The following MALRD1 variants were observed in gnomAD, a reference collection of about 807,000 sequenced individuals.
MALRD1 encodes the protein MAM and LDL-receptor class A domain-containing protein 1.
MALRD1 carries 247 observed loss-of-function variants against 242.1 expected under a neutral mutation model. That is an observed-to-expected ratio of 1.02 (90% CI 0.92 to 1.13). The LOEUF (loss-of-function observed/expected upper bound fraction) is 1.13. MALRD1 is among the 50% of genes most tolerant of loss of function. The probability of loss-of-function intolerance (pLI) is 0.00; values close to 1 mark genes in which losing one functional copy is unlikely to be tolerated. For synonymous variants in MALRD1, 995 were observed against 866.6 expected (o/e 1.15, Z -2.60); for missense variants, 2,989 against 2,533.1 (o/e 1.18, Z -3.86).
intron 28 of MALRD1, among the ~76,000 whole-genome samples, chr10:19,399,040 A>G (rs1240950159): frequency 6.6e-6 from 1 of 152,192 alleles, no homozygotes; most frequent in Non-Finnish European, 1.5e-5. Flanking sequence ...TTCAAATGTC[A>G]TAAGTAGTCA....
At chr10:19,680,767 G>T (rs1842334337) in intron 36 of MALRD1, among the ~76,000 whole-genome samples, 1 of 152,138 alleles carries the variant, frequency 6.6e-6, no homozygotes, top group Non-Finnish European at 1.5e-5. Context: ...TTTTGTAGTG[G>T]CTGGTAACAG....
chr10:19,525,033 T>C (rs2131328619), intron 31 of MALRD1, among the ~76,000 whole-genome samples: 1 of 152,006 alleles, frequency 6.6e-6, no homozygotes, highest in East Asian at 1.9e-4. Flanking sequence ...GCCTCCCAAG[T>C]AGCTGGGATT....
chr10:19,238,380 AAT>A lies in MALRD1; in HGVS notation c.2992-19299_2992-19298del, dbSNP rs1491490400. Among the ~76,000 whole-genome samples, 6 of 69,766 alleles carry A rather than the reference AAT, an allele frequency of 8.6e-5. 1 individual carries two copies. The highest frequency in any genetic ancestry group is 3.3e-4 in the African/African-American group (6 of 18,068). The allele number at this position is 69,766 out of a possible 152,430, so 45.8% of individuals were successfully genotyped here. On this transcript the variant is annotated intron_variant, in intron 18 of 39. Transcript: ENST00000454679. ...ATAATACATAATATATATTATACATAATATATTATATATGTTATATATTATGT... is the reference window on the plus strand; with the variant it reads ...ATAATACATAATATATATTATACATAATATTATATATGTTATATATTATGT...
At position 19,619,185 on chromosome 10, in the gene MALRD1, T is replaced by G. The variant is rs751318783; in HGVS notation, c.6137+3262T>G. Among the ~76,000 whole-genome samples, 15 of 148,250 alleles carry G rather than the reference T, an allele frequency of 1.0e-4. 1 individual carries two copies. Among genetic ancestry groups the G allele is most frequent in the Admixed American group, 9.9e-4 (15 of 15,172 alleles). On this transcript the variant is annotated intron_variant, in intron 36 of 39. Transcript: ENST00000454679. ...AGCTTTGGATAAACTGATCCTTCTG[T>G]CTAGAACTTTCTGTTTGTTAACCTA...
intron 1 of MALRD1, among the ~76,000 whole-genome samples, chr10:19,052,776 TGCCCTTG>T (rs149203540): frequency 0.014 from 2,145 of 152,296 alleles, 17 homozygotes; most frequent in Admixed American, 0.025. Context: ...CCTCTACTCC[TGCCCTTG>T]GCTGAAGCAT....
chr10:19,384,598 A>T (rs12412907), intron 26 of MALRD1, among the ~76,000 whole-genome samples: 16 of 126,590 alleles, frequency 1.3e-4, no homozygotes, highest in Admixed American at 4.8e-4. Flanking sequence ...ATATTATATA[A>T]TATATAGTAT....
intron 33 of MALRD1, among the ~76,000 whole-genome samples, chr10:19,568,562 C>T (rs557311845): frequency 6.6e-6 from 1 of 152,028 alleles, no homozygotes; most frequent in Non-Finnish European, 1.5e-5. Context: ...GAAGTCACTC[C>T]CATGGTTAAC....
At chr10:19,287,846 GT>G (rs889183168) in intron 21 of MALRD1, among the ~76,000 whole-genome samples, 1 of 152,054 alleles carries the variant, frequency 6.6e-6, no homozygotes, top group Non-Finnish European at 1.5e-5. Flanking sequence ...TGTTCAGCTT[GT>G]TTTTTATTAG....
At chr10:19,483,197 A>C (rs6481944) in intron 29 of MALRD1, among the ~76,000 whole-genome samples, 121,154 of 150,492 alleles carry the variant, frequency 0.81, 49,140 homozygotes, top group East Asian at 1. Flanking sequence ...TGAAACTATA[A>C]GAATCCTAGA....
chr10:19,445,682 G>A (rs1481221917), intron 28 of MALRD1, among the ~76,000 whole-genome samples: 3 of 152,332 alleles, frequency 2.0e-5, no homozygotes, highest in African/African-American at 7.2e-5. Flanking sequence ...TCTCAGAGGG[G>A]CACCCAGCTG....
chr10:19,449,823 C>T (rs149808283), intron 28 of MALRD1, among the ~76,000 whole-genome samples: 2 of 152,154 alleles, frequency 1.3e-5, no homozygotes, highest in East Asian at 1.9e-4. Context: ...GCACACGTAC[C>T]CCTGAACCTA....
intron 1 of MALRD1, among the ~76,000 whole-genome samples, chr10:19,063,945 TAATAA>T (rs1834897031): frequency 6.6e-6 from 1 of 151,894 alleles, no homozygotes; most frequent in Non-Finnish European, 1.5e-5. Flanking sequence ...AAGTATCATA[TAATAA>T]AATAAAAAAT....
chr10:19,279,930 C>T, intron 19 of MALRD1, 117 bp from the exon 20 acceptor site: 3 of 741,754 alleles, frequency 4.0e-6, no homozygotes, highest in Non-Finnish European at 5.9e-6. Context: ...TGATACTACC[C>T]ACTGTTCTCT....
intron 25 of MALRD1, 150 bp downstream of exon 25, chr10:19,348,168 A>G (rs900125040): frequency 9.3e-6 from 10 of 1,074,678 alleles, no homozygotes; most frequent in Non-Finnish European, 1.3e-5. Flanking sequence ...GGGGGAAAAA[A>G]TGAAGTTCAG....
intron 26 of MALRD1, among the ~76,000 whole-genome samples, chr10:19,376,852 A>C (rs1159083275): frequency 3.3e-5 from 5 of 152,044 alleles, no homozygotes; most frequent in Non-Finnish European, 5.9e-5. Context: ...GTGCTGATAC[A>C]TTATTCTAGT....
intron 26 of MALRD1, among the ~76,000 whole-genome samples, chr10:19,370,596 G>C (rs1158022089): frequency 6.6e-6 from 1 of 151,822 alleles, no homozygotes; most frequent in Admixed American, 6.6e-5. Flanking sequence ...TTGTTTTTGA[G>C]ACAGTCTCAC....
intron 26 of MALRD1, among the ~76,000 whole-genome samples, chr10:19,373,559 G>C (rs1245663604): frequency 6.6e-6 from 1 of 151,228 alleles, no homozygotes; most frequent in Non-Finnish European, 1.5e-5. Context: ...AAGAGGAAAG[G>C]GAAGAAGGGA....
At chr10:19,561,192 T>C (rs560142096) in intron 32 of MALRD1, among the ~76,000 whole-genome samples, 4 of 152,302 alleles carry the variant, frequency 2.6e-5, no homozygotes, top group Admixed American at 1.3e-4. Context: ...AGAGCATACA[T>C]TGTATGATTT....
intron 32 of MALRD1, among the ~76,000 whole-genome samples, chr10:19,531,968 T>C (rs1834436038): frequency 6.6e-6 from 1 of 152,206 alleles, no homozygotes; most frequent in African/African-American, 2.4e-5. Context: ...CCTAGTGTTA[T>C]TAACTTACAA....
Sources: allele counts gnomAD v4.1 joint callset (sites outside exome capture counted in the v4.1 genomes callset), GRCh38; gene constraint gnomAD v4.1.1; transcripts MANE v1.5; gene names NCBI Gene and HGNC (gene_info 2026-07-23, HGNC 2026-07-21).